LCORL: variants seen among roughly 807,000 people sequenced by gnomAD.
LCORL encodes the protein ligand dependent nuclear receptor corepressor like, also known as ligand-dependent nuclear receptor corepressor-like protein.
A neutral mutation model predicts 141.8 loss-of-function variants in LCORL; 41 were observed. The ratio of observed to expected loss-of-function variants is 0.29; its 90% CI spans 0.23 to 0.38. The LOEUF is 0.38. Ranked by LOEUF, LCORL falls within the 10% of genes least tolerant of loss-of-function variation. The pLI, the probability that LCORL is intolerant of heterozygous loss-of-function variation, is 1.00. For missense variants in LCORL, 1,759 were observed against 2,035.0 expected (o/e 0.86, Z 2.61); for synonymous variants, 618 against 694.1 (o/e 0.89, Z 1.72).
chr4:17,915,087 TTC>T lies in LCORL; in HGVS notation c.431-5744_431-5743del, dbSNP rs1172612114. 2.6e-5 allele frequency among the ~76,000 whole-genome samples: 4 copies of T among 152,262 alleles called. No homozygotes were observed. In the South Asian group the frequency reaches 6.2e-4, roughly 24 times the overall value. On this transcript the variant is annotated intron_variant, in intron 4 of 7. Transcript: ENST00000635767. ...GCCCCTCTTCTCCCCTCCTTTTATT[TTC>T]TCTTTCTCCCCTTCTGTTTCCCTCC... is the stretch of plus-strand genomic sequence containing the variant.
intron 4 of LCORL, among the ~76,000 whole-genome samples, chr4:17,948,113 T>C (rs547480673): frequency 1.3e-5 from 2 of 151,998 alleles, no homozygotes; most frequent in African/African-American, 2.4e-5. Flanking sequence ...AAGTGATAAA[T>C]ATGTGGAGGG....
In LCORL at chr4:17,886,056, G is replaced by A. The variant is rs1480698410; in HGVS notation, c.776+12C>T. On this transcript the variant is annotated intron_variant, in intron 6 of 7. Transcript: ENST00000635767. ...TATTAATATTAAATTATATTTCCTA[G>A]ATATTGCTTACCCAGCCACTGAATT... The A allele has an allele frequency of 2.9e-6, 4 of 1,374,848 alleles. No individual in the cohort carries two copies. Among genetic ancestry groups the A allele is most frequent in the Non-Finnish European group, 4.1e-6 (4 of 978,858 alleles). 85.2% of individuals were successfully genotyped at this position (1,374,848 alleles called of 1,614,324 possible).
At chr4:17,875,964 T>A in exon 7 of LCORL, 1 of 1,231,276 alleles carries the variant, frequency 8.1e-7, no homozygotes, top group Non-Finnish European at 1.0e-6. Context: ...TGAGATATCC[T>A]CATTTGTTTC....
At position 17,916,320 on chromosome 4, in the gene LCORL, T is replaced by G. The variant is rs148451223; in HGVS notation, c.431-6975A>C. On this transcript the variant is annotated intron_variant, in intron 4 of 7. Transcript: ENST00000635767. Reference sequence around the variant, plus strand: ...TGGCAATAACTGTTGTTTCAGTGATTGGCTTTCTGTGAAGCAAGCATCAAG... The same window carrying G: ...TGGCAATAACTGTTGTTTCAGTGATGGGCTTTCTGTGAAGCAAGCATCAAG... Among the ~76,000 whole-genome samples the G allele has an allele frequency of 1.9e-3, 285 of 152,326 alleles. 2 individuals carry two copies. The highest frequency in any genetic ancestry group is 3.1e-3 in the Non-Finnish European group (213 of 68,034).
At chr4:17,868,318 T>C (rs1438250461) in intron 7 of LCORL, among the ~76,000 whole-genome samples, 1 of 152,298 alleles carries the variant, frequency 6.6e-6, no homozygotes, top group East Asian at 1.9e-4. Flanking sequence ...ACAAACTTTT[T>C]TTTTTCAGTC....
exon 7 of LCORL, chr4:17,876,536 G>A: frequency 8.1e-7 from 1 of 1,230,858 alleles, no homozygotes; most frequent in Non-Finnish European, 1.0e-6. Context: ...TATTGTGTGA[G>A]CTTTCAATGT....
At chr4:17,999,028 A>G (rs2109816416) in intron 1 of LCORL, among the ~76,000 whole-genome samples, 1 of 129,720 alleles carries the variant, frequency 7.7e-6, no homozygotes, top group Non-Finnish European at 1.7e-5. Context: ...ATATATATAT[A>G]TAGTATAGTA....
At chr4:17,891,311 C>A (rs1007091276) in intron 5 of LCORL, among the ~76,000 whole-genome samples, 9 of 151,972 alleles carry the variant, frequency 5.9e-5, no homozygotes, top group African/African-American at 1.7e-4. Context: ...GAGTTTAAGT[C>A]CAGACTGGGC....
chr4:17,952,993 C>CTTT (rs545111786), intron 4 of LCORL, among the ~76,000 whole-genome samples: 7 of 148,142 alleles, frequency 4.7e-5, no homozygotes, highest in African/African-American at 1.5e-4. Flanking sequence ...ACATGTGATA[C>CTTT]TTTTTTTTTT....
intron 5 of LCORL, among the ~76,000 whole-genome samples, chr4:17,899,291 T>C (rs1353939662): frequency 6.6e-6 from 1 of 152,182 alleles, no homozygotes; most frequent in Non-Finnish European, 1.5e-5. Flanking sequence ...TACATTGAAA[T>C]TTGGAATTTA....
At chr4:17,842,673 T>C (rs1031666155) in exon 8 of LCORL, 3 of 284,630 alleles carry the variant, frequency 1.1e-5, no homozygotes, top group Admixed American at 4.8e-5. Context: ...TAGCAAACTC[T>C]TGATTTTGAT....
At chr4:17,996,663 C>T (rs1361821124) in intron 1 of LCORL, among the ~76,000 whole-genome samples, 2 of 151,706 alleles carry the variant, frequency 1.3e-5, no homozygotes, top group African/African-American at 2.4e-5. Context: ...GTAAAATTTC[C>T]AGAGGCCTGA....
intron 4 of LCORL, among the ~76,000 whole-genome samples, chr4:17,959,998 T>G (rs1713462501): frequency 6.6e-6 from 1 of 152,156 alleles, no homozygotes; most frequent in Non-Finnish European, 1.5e-5. Flanking sequence ...GTTACTATCT[T>G]CTAGCCCCAT....
chr4:17,899,323 G>T (rs187231961), intron 5 of LCORL, among the ~76,000 whole-genome samples: 1 of 151,922 alleles, frequency 6.6e-6, no homozygotes, highest in African/African-American at 2.4e-5. Context: ...TTGTTAAGGG[G>T]ATACTCTAGC....
intron 7 of LCORL, among the ~76,000 whole-genome samples, chr4:17,849,075 C>T (rs1405905140): frequency 6.6e-6 from 1 of 152,254 alleles, no homozygotes; most frequent in African/African-American, 2.4e-5. Flanking sequence ...GGCCTGCCTG[C>T]CTCTGCAGGC....
At chr4:17,905,028 A>G (rs1731393965) in intron 5 of LCORL, among the ~76,000 whole-genome samples, 1 of 152,098 alleles carries the variant, frequency 6.6e-6, no homozygotes, top group Non-Finnish European at 1.5e-5. Flanking sequence ...AATATTCTCC[A>G]TAAGACCTGA....
intron 4 of LCORL, among the ~76,000 whole-genome samples, chr4:17,940,007 A>G (rs1488265839): frequency 6.7e-6 from 1 of 149,878 alleles, no homozygotes; most frequent in African/African-American, 2.4e-5. Flanking sequence ...TATACACTAT[A>G]TGGTATATAT....
chr4:17,958,258 G>A (rs1285496699), intron 4 of LCORL, among the ~76,000 whole-genome samples: 2 of 151,640 alleles, frequency 1.3e-5, no homozygotes, highest in South Asian at 4.2e-4. Context: ...TTGTGGGTAC[G>A]TGAATGCTAA....
chr4:17,946,961 A>G (rs1313814874), intron 4 of LCORL, among the ~76,000 whole-genome samples: 2 of 151,988 alleles, frequency 1.3e-5, no homozygotes, highest in African/African-American at 4.8e-5. Flanking sequence ...AGTTCCTCAG[A>G]AAAACTGAAA....
Sources: allele counts gnomAD v4.1 joint callset (sites outside exome capture counted in the v4.1 genomes callset), GRCh38; gene constraint gnomAD v4.1.1; transcripts MANE v1.5; gene names NCBI Gene and HGNC (gene_info 2026-07-23, HGNC 2026-07-21).